The following DNM1 variants were observed in gnomAD, a reference collection of about 807,000 sequenced individuals.
DNM1 encodes dynamin-1.
In DNM1, 29 loss-of-function variants were observed where a neutral mutation model predicts 104.6. That is an observed-to-expected ratio of 0.28 (90% CI 0.21 to 0.38). The LOEUF is 0.38. Ranked by LOEUF, DNM1 falls within the 10% of genes least tolerant of loss-of-function variation. DNM1 has a pLI of 1.00. For missense variants in DNM1, 640 were observed against 1,189.4 expected (o/e 0.54, Z 6.79); for synonymous variants, 445 against 475.8 (o/e 0.94, Z 0.84).
intron 9 of DNM1, chr9:128,223,979 G>T (rs1222870271): frequency 8.2e-6 from 2 of 243,950 alleles, no homozygotes; most frequent in Non-Finnish European, 1.6e-5. Flanking sequence ...AACCCGGGAG[G>T]CGGAGGTTGC....
At chr9:128,209,843 C>T (rs760668725) in intron 1 of DNM1, among the ~76,000 whole-genome samples, 3 of 152,258 alleles carry the variant, frequency 2.0e-5, no homozygotes, top group South Asian at 4.1e-4. Flanking sequence ...GCGTAGCCTA[C>T]GAGGGGAGCA....
At position 128,222,090 on chromosome 9, in the gene DNM1, C is replaced by A; in HGVS notation, c.850-107C>A. On this transcript the variant is annotated intron_variant, in intron 6 of 21. Coordinates refer to ENST00000372923, the MANE Select transcript of DNM1 (RefSeq NM_004408.4). The surrounding 1 kb of genome is among the most constrained non-coding windows in gnomAD (Gnocchi z 7.8). ...CCCGGGCAGCAGTGGCAGGGCTGCCCTCCATAGCTCTCCACCTCACCACGT... is the reference window on the plus strand; with the variant it reads ...CCCGGGCAGCAGTGGCAGGGCTGCCATCCATAGCTCTCCACCTCACCACGT... The A allele has an allele frequency of 7.1e-7, 1 of 1,402,966 alleles. No individual in the cohort carries two copies. The highest frequency in any genetic ancestry group is 9.7e-7 in the Non-Finnish European group (1 of 1,035,876). 86.9% of individuals were successfully genotyped at this position (1,402,966 alleles called of 1,614,324 possible). A position where few individuals can be genotyped will look rare whatever the true frequency, so the allele number is the denominator to read the frequency against.
chr9:128,248,069 C>T lies in DNM1; in HGVS notation c.1905+134C>T. On this transcript the variant is annotated intron_variant, in intron 18 of 21. Transcript: ENST00000372923. This position sits in a 1 kb window ranked among gnomAD's most constrained non-coding sequence, Gnocchi z 5.6. The stretch of plus-strand genomic sequence containing the variant: ...TGGGGCCAGGCGCAGTGGCTCACAC[C>T]TGTAAACCCAACACTTTGGGAGGCC... The T allele has an allele frequency of 1.6e-6, 2 of 1,233,456 alleles. No homozygotes were observed. Among genetic ancestry groups the T allele is most frequent in the Non-Finnish European group, 2.4e-6 (2 of 842,032 alleles). The allele number at this position is 1,233,456 out of a possible 1,614,324, so 76.4% of individuals were successfully genotyped here.
intron 1 of DNM1, chr9:128,204,705 G>A (rs1176336535): frequency 6.6e-6 from 1 of 152,284 alleles, no homozygotes; most frequent in African/African-American, 2.4e-5. Flanking sequence ...TGAAGTGAGA[G>A]AGTTTACACT....
chr9:128,252,506 G>A (rs1324742936), intron 21 of DNM1: 1 of 398,714 alleles, frequency 2.5e-6, no homozygotes, highest in Non-Finnish European at 4.9e-6. Flanking sequence ...GTGGGCAGAG[G>A]TGTAGTGTGG....
chr9:128,210,138 C>T (rs901460353), intron 1 of DNM1, among the ~76,000 whole-genome samples: 2 of 151,942 alleles, frequency 1.3e-5, no homozygotes, highest in African/African-American at 4.8e-5. Context: ...CTTGACCTCC[C>T]GGGCTCAAGC....
At position 128,234,029 on chromosome 9, in the gene DNM1, G is replaced by C. The variant is rs1352962318; in HGVS notation, c.1344G>C (p.Gln448His). 6.4e-7 allele frequency: 1 copy of C among 1,568,386 alleles called. No individual in the cohort carries two copies. Among genetic ancestry groups the C allele is most frequent in the Non-Finnish European group, 8.6e-7 (1 of 1,157,194 alleles). Residue 448 changes from glutamine (Q) to histidine (H), a missense_variant, in exon 11 of 22, where the codon CAG becomes CAC. Physicochemically the swap from Gln to His is conservative, Grantham distance 24. This residue lies in a region of DNM1 where 92 missense variants were observed against 124.4 expected (regional missense o/e 0.74). Coordinates refer to ENST00000372923, the MANE Select transcript of DNM1 (RefSeq NM_004408.4). ...TVRQCTKKLQ[Q>H]YPRLREEMER... Reference sequence around the variant, plus strand: ...CTCCTGCCCTTCCCCAGCTCCAGCAGTACCCGCGGCTACGGGAGGAGATGG... The same window carrying C: ...CTCCTGCCCTTCCCCAGCTCCAGCACTACCCGCGGCTACGGGAGGAGATGG...
At chr9:128,252,929 G>A in intron 21 of DNM1, 1 of 707,752 alleles carries the variant, frequency 1.4e-6, no homozygotes, top group Non-Finnish European at 2.5e-6. Context: ...TGGCGGGGAA[G>A]GAGGCGTATG....
Position 128,239,332 on chromosome 9 carries a change from T to A in DNM1, c.1423-113T>A, listed in dbSNP as rs984734666. The A allele has an allele frequency of 3.9e-6, 3 of 771,424 alleles. No homozygotes were observed. The Admixed American group carries it at 5.8e-5, about 15-fold the overall frequency. 47.8% of individuals were successfully genotyped at this position (771,424 alleles called of 1,614,324 possible). A position where few individuals can be genotyped will look rare whatever the true frequency, so the allele number is the denominator to read the frequency against. Reference sequence around the variant, plus strand: ...CACTGATGGTAGGGACTATATTTATTATGGATACTAACCTCCTATATGTGC... The same window carrying A: ...CACTGATGGTAGGGACTATATTTATAATGGATACTAACCTCCTATATGTGC... On this transcript the variant is annotated intron_variant, in intron 11 of 21. Transcript: ENST00000372923.
rs34446611 is a variant in DNM1 at position 128,243,941 on chromosome 9, TTGTGTGTGTG to T, written c.1671+1615_1671+1624del. ...GTGGGTGCTGGGAGGCGGGGTGTGTTTGTGTGTGTGTGTGTGTGTGTGTGTGTGGCTTGTG... is the reference window on the plus strand; with the variant it reads ...GTGGGTGCTGGGAGGCGGGGTGTGTTTGTGTGTGTGTGTGTGTGGCTTGTG... On this transcript the variant is annotated intron_variant, in intron 15 of 21. Coordinates refer to ENST00000372923, the MANE Select transcript of DNM1 (RefSeq NM_004408.4). The surrounding 1 kb of genome is among the most constrained non-coding windows in gnomAD (Gnocchi z 4.0). Among the ~76,000 whole-genome samples the T allele has an allele frequency of 1.4e-5, 2 of 143,742 alleles. No homozygotes were observed. Among genetic ancestry groups the T allele is most frequent in the Non-Finnish European group, 3.1e-5 (2 of 64,594 alleles). 94.3% of individuals were successfully genotyped at this position (143,742 alleles called of 152,430 possible).
In DNM1 at chr9:128,250,107, A is replaced by G. The variant is rs1829424670; in HGVS notation, c.2077-8A>G. 1 of 1,613,780 alleles carries G rather than the reference A, an allele frequency of 6.2e-7. No homozygotes were observed. The highest frequency in any genetic ancestry group is 8.5e-7 in the Non-Finnish European group (1 of 1,179,916). On this transcript the variant is annotated splice_region_variant and splice_polypyrimidine_tract_variant and intron_variant, in intron 19 of 21. Transcript: ENST00000372923. ...TCCCCACCTCCTTCCCTCTTTGCCT[A>G]CTCGCAGACCAAGGAGTTCATCTTC... is the stretch of plus-strand genomic sequence containing the variant.
At chr9:128,228,917 AG>A (rs1390634292) in intron 10 of DNM1, among the ~76,000 whole-genome samples, 1 of 152,010 alleles carries the variant, frequency 6.6e-6, no homozygotes, top group Non-Finnish European at 1.5e-5. Flanking sequence ...TGGGAGGTGG[AG>A]GTTGCAGTGA....
chr9:128,222,450 T>C lies in DNM1; in HGVS notation c.993-11T>C. 1 of 1,613,748 alleles carries C rather than the reference T, an allele frequency of 6.2e-7. No individual in the cohort carries two copies. The highest frequency in any genetic ancestry group is 8.5e-7 in the Non-Finnish European group (1 of 1,179,884). ...CTCCTGCCCCCTCAGGCCACACCAC[T>C]CTCCCACCAGGATGGTCCAGCAGTT... On this transcript the variant is annotated splice_polypyrimidine_tract_variant and intron_variant, in intron 7 of 21. Transcript: ENST00000372923. The surrounding 1 kb of genome is among the most constrained non-coding windows in gnomAD (Gnocchi z 7.8).
At position 128,218,272 on chromosome 9, in the gene DNM1, C is replaced by G; in HGVS notation, c.203C>G (p.Pro68Arg). ...PRGSGIVTRRPLVLQLVNATT... is the reference protein window; with the variant it reads ...PRGSGIVTRRRLVLQLVNATT... ...GGATCTGGCATTGTCACCCGACGTC[C>G]CCTGGTCTTGCAGCTGGTCAATGCA... is the stretch of plus-strand genomic sequence containing the variant. Residue 68 changes from proline to arginine, a missense_variant, in exon 2 of 22, where the codon CCC becomes CGC. This residue lies in a region of DNM1 where 172 missense variants were observed against 335.3 expected (regional missense o/e 0.51). Coordinates refer to ENST00000372923, the MANE Select transcript of DNM1 (RefSeq NM_004408.4). This position sits in a 1 kb window ranked among gnomAD's most constrained non-coding sequence, Gnocchi z 4.8. The G allele has an allele frequency of 6.2e-7, 1 of 1,614,120 alleles. No individual in the cohort carries two copies.
At position 128,203,648 on chromosome 9, in the gene DNM1, C is replaced by G. The variant is rs1213851817; in HGVS notation, c.161+17C>G. The G allele has an allele frequency of 6.6e-7, 1 of 1,507,260 alleles. No individual in the cohort carries two copies. The highest frequency in any genetic ancestry group is 2.8e-5 in the East Asian group (1 of 35,868). 93.4% of individuals were successfully genotyped at this position (1,507,260 alleles called of 1,614,324 possible). A position where few individuals can be genotyped will look rare whatever the true frequency, so the allele number is the denominator to read the frequency against. ...CGTAGGCAGGTAGGCGCGGCGCGCC[C>G]CCAGGCGCCGACCCCCGACCCCCGG... On this transcript the variant is annotated intron_variant, in intron 1 of 21. Transcript: ENST00000372923. The surrounding 1 kb of genome is among the most constrained non-coding windows in gnomAD (Gnocchi z 5.3).
intron 10 of DNM1, among the ~76,000 whole-genome samples, chr9:128,229,414 T>C (rs539237096): frequency 6.6e-6 from 1 of 151,744 alleles, no homozygotes; most frequent in African/African-American, 2.4e-5. Flanking sequence ...CTGGGCAACA[T>C]AGTAAGACCC....
Position 128,242,337 on chromosome 9 carries a change from G to A in DNM1, c.1663G>A (p.Asp555Asn). The change falls in exon 15 of 22, where the codon GAT becomes AAT. Residue 555 changes from aspartate to asparagine, a missense_variant. Transcript: ENST00000372923. ...LTAENLSWYK[D>N]DEEKEKKYML... is the part of the protein sequence containing the mutation. ...TGCTGAGAATCTGTCCTGGTACAAG[G>A]ATGATGAGGTGAGTCAAGGGCCAGT... 1 of 1,593,648 alleles carries A rather than the reference G, an allele frequency of 6.3e-7. No homozygotes were observed. The highest frequency in any genetic ancestry group is 8.6e-7 in the Non-Finnish European group (1 of 1,161,342).
chr9:128,209,754 C>G (rs1304457765), intron 1 of DNM1, among the ~76,000 whole-genome samples: 5 of 152,240 alleles, frequency 3.3e-5, no homozygotes, highest in Non-Finnish European at 7.3e-5. Flanking sequence ...AAAGGACCCA[C>G]CTTGGGCCTG....
intron 10 of DNM1, among the ~76,000 whole-genome samples, chr9:128,229,181 C>G (rs532566699): frequency 2.0e-5 from 3 of 151,680 alleles, no homozygotes; most frequent in African/African-American, 7.3e-5. Context: ...TGCTTGAGGC[C>G]AGAAGTTTAA....
Sources: gnomAD v4.1 joint callset for allele counts (sites outside exome capture counted in the v4.1 genomes callset) on GRCh38, gnomAD v4.1.1 for gene constraint, gnomAD v4.1.1 regional missense constraint, Gnocchi (gnomAD v3.1) non-coding constraint, MANE v1.5 for transcripts, NCBI Gene and HGNC (gene_info 2026-07-23, HGNC 2026-07-21) for gene names.